IL1RAPL1: variants seen among roughly 807,000 people sequenced by gnomAD.
The protein encoded by IL1RAPL1 is interleukin-1 receptor accessory protein-like 1.
In IL1RAPL1, 3 loss-of-function variants were observed where a neutral mutation model predicts 48.4. The ratio of observed to expected loss-of-function variants is 0.06; its 90% CI spans 0.03 to 0.16. The LOEUF (loss-of-function observed/expected upper bound fraction) is 0.16. IL1RAPL1 is among the 10% of genes least tolerant of loss of function. The pLI is 1.00. For synonymous variants in IL1RAPL1, 185 were observed against 187.7 expected (o/e 0.99, Z 0.12); for missense variants, 349 against 530.6 (o/e 0.66, Z 3.36).
intron 1 of IL1RAPL1, among the ~76,000 whole-genome samples, chrX:28,738,404 A>G (rs1377316994): frequency 2.7e-5 from 3 of 111,824 alleles, no homozygotes; most frequent in Non-Finnish European, 5.6e-5. Flanking sequence ...TGTATCTTAT[A>G]AGAAGTAGGT....
intron 2 of IL1RAPL1, among the ~76,000 whole-genome samples, chrX:29,220,081 G>A (rs1930946243): frequency 9.0e-6 from 1 of 111,701 alleles, no homozygotes; most frequent in Non-Finnish European, 1.9e-5. Flanking sequence ...GGTACAGTTA[G>A]GGCTAAGCGT....
chrX:29,283,792 A>T (rs1932238566), intron 3 of IL1RAPL1, among the ~76,000 whole-genome samples: 1 of 112,474 alleles, frequency 8.9e-6, no homozygotes, highest in African/African-American at 3.2e-5. Flanking sequence ...AGTTAATAAC[A>T]AATTCAGTTC....
Position 29,729,393 on chromosome X carries a change from A to G in IL1RAPL1, c.778+60889A>G, listed in dbSNP as rs896726358. Among the ~76,000 whole-genome samples, 4 of 111,859 alleles carry G rather than the reference A, an allele frequency of 3.6e-5. No homozygotes were observed. The Admixed American group carries it at 3.8e-4, about 11-fold the overall frequency. ...TAAAAAGGCTATTCTGATGATGCCA[A>G]AACGTAGACCTGTGCTTTATGTATT... On this transcript the variant is annotated intron_variant, in intron 6 of 10. Transcript: ENST00000378993.
intron 6 of IL1RAPL1, among the ~76,000 whole-genome samples, chrX:29,811,354 C>T (rs1402956918): frequency 9.0e-6 from 1 of 110,533 alleles, no homozygotes; most frequent in Non-Finnish European, 1.9e-5. Flanking sequence ...GCCAGTAGAA[C>T]TTGGAGTTCA....
chrX:29,537,566 T>G (rs4829217), intron 5 of IL1RAPL1, among the ~76,000 whole-genome samples: 42,073 of 101,336 alleles, frequency 0.42, 6,693 homozygotes, highest in East Asian at 0.73. Flanking sequence ...TGCAAACAAT[T>G]AAGATCAAAT....
intron 8 of IL1RAPL1, among the ~76,000 whole-genome samples, chrX:29,935,236 A>G (rs1443450727): frequency 9.0e-6 from 1 of 111,064 alleles, no homozygotes; most frequent in African/African-American, 3.3e-5. Context: ...CTTCCTTAAA[A>G]TGATGTCCAT....
intron 5 of IL1RAPL1, among the ~76,000 whole-genome samples, chrX:29,569,877 G>A (rs775691641): frequency 4.5e-5 from 5 of 111,806 alleles, no homozygotes; most frequent in African/African-American, 1.6e-4. Flanking sequence ...TTGTAGCCAG[G>A]TAGTGTTATT....
chrX:28,788,665 G>A (rs926950892), intron 1 of IL1RAPL1, among the ~76,000 whole-genome samples: 6 of 99,013 alleles, frequency 6.1e-5, no homozygotes, highest in Non-Finnish European at 1.2e-4. Flanking sequence ...TGGGGGTTTT[G>A]CCATGTTGCC....
chrX:29,237,038 A>G, intron 2 of IL1RAPL1, among the ~76,000 whole-genome samples: 1 of 111,229 alleles, frequency 9.0e-6, no homozygotes. Flanking sequence ...CCTTTCACCT[A>G]GAGCCAAGTT....
At chrX:29,031,163 A>G (rs1926610013) in intron 2 of IL1RAPL1, among the ~76,000 whole-genome samples, 1 of 112,302 alleles carries the variant, frequency 8.9e-6, no homozygotes, top group South Asian at 3.6e-4. Context: ...TGTTAAGATA[A>G]TTTAGGAAAC....
intron 1 of IL1RAPL1, 142 bp downstream of exon 1, chrX:28,588,189 C>A (rs1933864351): frequency 1.5e-5 from 1 of 65,234 alleles, no homozygotes; most frequent in African/African-American, 7.4e-5. Flanking sequence ...GGAATAACTG[C>A]AGTTGGGTGT....
At chrX:28,729,241 C>T (rs1935723333) in intron 1 of IL1RAPL1, among the ~76,000 whole-genome samples, 1 of 111,241 alleles carries the variant, frequency 9.0e-6, no homozygotes, top group African/African-American at 3.3e-5. Flanking sequence ...AGTTTGATTC[C>T]AGTATTCTTA....
At chrX:29,416,260 C>G (rs1402246002) in intron 5 of IL1RAPL1, among the ~76,000 whole-genome samples, 1 of 111,215 alleles carries the variant, frequency 9.0e-6, no homozygotes, top group African/African-American at 3.3e-5. Context: ...TTAAAAAACT[C>G]TGGGCTGGGC....
At chrX:29,754,957 G>A (rs1478937197) in intron 6 of IL1RAPL1, among the ~76,000 whole-genome samples, 1 of 112,583 alleles carries the variant, frequency 8.9e-6, no homozygotes, top group Non-Finnish European at 1.9e-5. Flanking sequence ...AAAGGTGTCA[G>A]TCAGGACTAC....
rs201588752 is a variant in IL1RAPL1, at chrX:28,768,826, A to G, written c.-24-20494A>G. Reference sequence around the variant, plus strand: ...CATTATATATATAATGTGTGTGTGTATATATATATATATATATATATATAT... The same window carrying G: ...CATTATATATATAATGTGTGTGTGTGTATATATATATATATATATATATAT... On this transcript the variant is annotated intron_variant, in intron 1 of 10. Transcript: ENST00000378993. 2.2e-3 allele frequency among the ~76,000 whole-genome samples: 43 copies of G among 19,332 alleles called. 1 individual carries two copies. Among genetic ancestry groups the G allele is most frequent in the East Asian group, 0.015 (2 of 136 alleles). 16.8% of individuals were successfully genotyped at this position (19,332 alleles called of 115,157 possible). A position where few individuals can be genotyped will look rare whatever the true frequency, so the allele number is the denominator to read the frequency against.
At chrX:29,638,268 CTTTT>C (rs775877178) in intron 5 of IL1RAPL1, among the ~76,000 whole-genome samples, 1 of 93,369 alleles carries the variant, frequency 1.1e-5, no homozygotes. Context: ...CACCAATTAA[CTTTT>C]TTTTTTTTTT....
At chrX:29,650,172 A>G (rs1273711767) in intron 5 of IL1RAPL1, among the ~76,000 whole-genome samples, 1 of 111,968 alleles carries the variant, frequency 8.9e-6, no homozygotes, top group African/African-American at 3.2e-5. Context: ...AAACTGGAAG[A>G]ATAAATACTG....
At chrX:28,745,755 T>C (rs765833372) in intron 1 of IL1RAPL1, among the ~76,000 whole-genome samples, 11 of 111,864 alleles carry the variant, frequency 9.8e-5, no homozygotes, top group Non-Finnish European at 1.7e-4. Context: ...GTGTGCTATA[T>C]AGTGTATGTA....
At chrX:28,924,254 AATCTGTGGTTTATC>A (rs1457015213) in intron 2 of IL1RAPL1, 2 of 112,393 alleles carry the variant, frequency 1.8e-5, no homozygotes. Context: ...TTTAAGAAGG[AATCTGTGGTTTATC>A]ATCTGGTTTG....
Sources: allele counts gnomAD v4.1 joint callset (sites outside exome capture counted in the v4.1 genomes callset), GRCh38; gene constraint gnomAD v4.1.1; transcripts MANE v1.5; gene names NCBI Gene and HGNC (gene_info 2026-07-23, HGNC 2026-07-21).